IRX4: variants seen among roughly 807,000 people sequenced by gnomAD.
IRX4 encodes iroquois-class homeodomain protein IRX-4.
A neutral mutation model predicts 32.0 loss-of-function variants in IRX4; 22 were observed. That is an observed-to-expected ratio of 0.69 (90% CI 0.49 to 0.98). The LOEUF (loss-of-function observed/expected upper bound fraction) is 0.98, where lower values mean the gene tolerates loss of function less well. IRX4 is among the 50% of genes least tolerant of loss of function. IRX4 has a pLI of 0.00. For missense variants in IRX4, 840 were observed against 744.2 expected (o/e 1.13, Z -1.50); for synonymous variants, 379 against 351.7 (o/e 1.08, Z -0.87).
rs757479890 is a variant in IRX4, at chr5:1,878,788, G to A, written c.741C>T (p.Pro247=). 2.5e-6 allele frequency: 4 copies of A among 1,613,152 alleles called. No homozygotes were observed. The highest frequency in any genetic ancestry group is 2.2e-5 in the East Asian group (1 of 44,870). Residue 247 remains proline, a synonymous_variant, in exon 5 of 5, where the codon CCC becomes CCT. Coordinates refer to ENST00000231357, the MANE Select transcript of IRX4 (RefSeq NM_016358.3). ...EPLKSSKNAE[P]VGKEEKELEL... ...CCAGCTCCTTCTCCTCTTTGCCCAC[G>A]GGCTCTGCGGGAGAGAATGCGTGGC...
intron 2 of IRX4, chr5:1,881,080 G>A: frequency 2.4e-6 from 1 of 418,328 alleles, no homozygotes; most frequent in South Asian, 2.3e-5. Context: ...CGGGGGGGAG[G>A]AGGTGCAGTG....
rs144026313 is a variant in IRX4 at position 1,879,747 on chromosome 5, G to A, written c.493C>T (p.Arg165Cys). The change falls in exon 4 of 5, where the codon CGC (arginine) becomes TGC (cysteine). Residue 165 changes from arginine to cysteine, a missense_variant. Arg to Cys is a radical substitution (Grantham distance 180). This residue lies in a region of IRX4 where 14 missense variants were observed against 35.4 expected (regional missense o/e 0.40). Coordinates refer to ENST00000231357, the MANE Select transcript of IRX4 (RefSeq NM_016358.3). The part of the protein sequence containing the change: ...STLKAWLQEH[R>C]KNPYPTKGEK... ...CCCTTGGTGGGGTAGGGGTTCTTGC[G>A]GTGCTCCTGCAGCCAGGCCTTGAGC... The A allele has an allele frequency of 4.9e-4, 791 of 1,614,116 alleles. No individual in the cohort carries two copies. The highest frequency in any genetic ancestry group is 6.3e-4 in the Non-Finnish European group (744 of 1,180,052).
rs1419910671 is a variant in IRX4, at chr5:1,878,261, G to A, written c.1268C>T (p.Ala423Val). Residue 423 changes from alanine (A) to valine (V), a missense_variant, in exon 5 of 5, where the codon GCC (alanine) becomes GTC (valine). By Grantham distance (64) the Ala-to-Val change is moderately conservative (BLOSUM62 0). Around this residue, in one of 3 missense-constraint regions of IRX4, gnomAD observed 585 missense variants for 488.0 expected, o/e 1.20. Coordinates refer to ENST00000231357, the MANE Select transcript of IRX4 (RefSeq NM_016358.3). ...CGGGGAGTCCTGGTGCCTGTCCAGG[G>A]CGCCAGAGTGGGGAAGGGCCACAGA... ...SPSVALPHSG[A>V]LDRHQDSPVT... 1.2e-6 allele frequency: 2 copies of A among 1,602,790 alleles called. No individual in the cohort carries two copies. Among genetic ancestry groups the A allele is most frequent in the African/African-American group, 2.7e-5 (2 of 74,890 alleles).
rs1179604727 is a variant in IRX4, at chr5:1,877,621, C to T, written c.*348G>A. 1.0e-5 allele frequency: 3 copies of T among 300,520 alleles called. No individual in the cohort carries two copies. Among genetic ancestry groups the T allele is most frequent in the Non-Finnish European group, 1.8e-5 (3 of 163,806 alleles). 18.6% of individuals were successfully genotyped at this position (300,520 alleles called of 1,614,324 possible). Reference sequence around the variant, plus strand: ...CCCGACAGGCCCAGGAGGCCTCACGCCCAGGGGACAGCAGACCACGCTTCA... The same window carrying T: ...CCCGACAGGCCCAGGAGGCCTCACGTCCAGGGGACAGCAGACCACGCTTCA... On this transcript the variant is annotated 3_prime_UTR_variant, in exon 5 of 5. Transcript: ENST00000231357.
chr5:1,877,725 G>A lies in IRX4; in HGVS notation c.*244C>T. On this transcript the variant is annotated 3_prime_UTR_variant, in exon 5 of 5. Transcript: ENST00000231357. ...GTATCTGGCCTCTTCTGCTCCGAGA[G>A]CCTCTCCTTCCGCGTCCCAAATTTG... is the stretch of plus-strand genomic sequence containing the variant. 1.9e-6 allele frequency: 1 copy of A among 523,250 alleles called. No individual in the cohort carries two copies. The highest frequency in any genetic ancestry group is 3.3e-6 in the Non-Finnish European group (1 of 300,438). The allele number at this position is 523,250 out of a possible 1,614,324, so 32.4% of individuals were successfully genotyped here. A position where few individuals can be genotyped will look rare whatever the true frequency, so the allele number is the denominator to read the frequency against.
chr5:1,878,559 G>T lies in IRX4; in HGVS notation c.970C>A (p.Arg324=). 6.5e-7 allele frequency: 1 copy of T among 1,540,658 alleles called. No homozygotes were observed. The highest frequency in any genetic ancestry group is 8.7e-7 in the Non-Finnish European group (1 of 1,144,772). ...GCCGCCGCGCTGCGGAGACAGCTCC[G>T]GGCCCTCTCCAGGTCCTCGTCCAGA... ...AALDEDLERA[R]SCLRSAAAGP... is the part of the protein sequence containing the mutation. Residue 324 remains arginine (R), a synonymous_variant, in exon 5 of 5, where the codon CGG becomes AGG. Coordinates refer to ENST00000231357, the MANE Select transcript of IRX4 (RefSeq NM_016358.3).
chr5:1,879,868 C>G (rs1735368230), intron 3 of IRX4, 36 bp from the exon 4 acceptor site: 2 of 1,609,728 alleles, frequency 1.2e-6, no homozygotes, highest in Non-Finnish European at 8.5e-7. Flanking sequence ...CAGGCTGGGC[C>G]CTCTGGGCCC....
At chr5:1,882,505 G>T (rs979092532) in intron 1 of IRX4, 98 bp downstream of exon 1, 29 of 1,061,546 alleles carry the variant, frequency 2.7e-5, no homozygotes, top group Middle Eastern at 3.0e-4. Context: ...CTCGGAAGCC[G>T]CAGGCAGTCG....
chr5:1,879,780 T>C lies in IRX4; in HGVS notation c.460A>G (p.Thr154Ala). The C allele has an allele frequency of 6.2e-7, 1 of 1,614,128 alleles. No homozygotes were observed. The highest frequency in any genetic ancestry group is 8.5e-7 in the Non-Finnish European group (1 of 1,180,024). Residue 154 changes from threonine to alanine, a missense_variant, in exon 4 of 5, where the codon ACC becomes GCC. Transcript: ENST00000231357. ...TGCAGCCAGGCCTTGAGCGTGCTGGTGGTCTCGCGCGTGGCGTTCTTGCGC... is the reference window on the plus strand; with the variant it reads ...TGCAGCCAGGCCTTGAGCGTGCTGGCGGTCTCGCGCGTGGCGTTCTTGCGC... ...TRRKNATRET[T>A]STLKAWLQEH...
chr5:1,878,649 C>T lies in IRX4; in HGVS notation c.880G>A (p.Asp294Asn), dbSNP rs957263605. 6.9e-6 allele frequency: 11 copies of T among 1,594,160 alleles called. No individual in the cohort carries two copies. Among genetic ancestry groups the T allele is most frequent in the Non-Finnish European group, 8.5e-6 (10 of 1,171,406 alleles). ...CCTGAGGCCTCCTTGACCGGGCCGT[C>T]GGGCGCGGCGGGGACGCGCTCCAGA... ...GGLERVPAAP[D>N]GPVKEASGAL... The change falls in exon 5 of 5, where the codon GAC (aspartate) becomes AAC (asparagine). Residue 294 changes from aspartate to asparagine, a missense_variant. Coordinates refer to ENST00000231357, the MANE Select transcript of IRX4 (RefSeq NM_016358.3).
In IRX4 at chr5:1,881,959, C is replaced by A. The variant is rs1200023998; in HGVS notation, c.146G>T (p.Cys49Phe). 10 of 1,561,272 alleles carry A rather than the reference C, an allele frequency of 6.4e-6. No homozygotes were observed. Among genetic ancestry groups the A allele is most frequent in the Non-Finnish European group, 8.7e-6 (10 of 1,153,468 alleles). ...CAGCAGCCGGCTCTCGTAGACCGGGCAGTAGACCGGCGCCTGGGCCGAGGC... is the reference window on the plus strand; with the variant it reads ...CAGCAGCCGGCTCTCGTAGACCGGGAAGTAGACCGGCGCCTGGGCCGAGGC... ...PAASAQAPVY[C>F]PVYESRLLAT... Residue 49 changes from cysteine to phenylalanine, a missense_variant, in exon 2 of 5, where the codon TGC becomes TTC. Cys to Phe is a radical substitution (Grantham distance 205). Coordinates refer to ENST00000231357, the MANE Select transcript of IRX4 (RefSeq NM_016358.3).
Position 1,878,501 on chromosome 5 carries a change from C to G in IRX4, c.1028G>C (p.Gly343Ala). 7.0e-7 allele frequency: 1 copy of G among 1,436,340 alleles called. No individual in the cohort carries two copies. The highest frequency in any genetic ancestry group is 9.1e-7 in the Non-Finnish European group (1 of 1,103,132). The allele number at this position is 1,436,340 out of a possible 1,614,324, so 89.0% of individuals were successfully genotyped here. The change falls in exon 5 of 5, where the codon GGC becomes GCC. Residue 343 changes from glycine (G) to alanine (A), a missense_variant. Physicochemically the swap from Gly to Ala is moderately conservative, Grantham distance 60. Coordinates refer to ENST00000231357, the MANE Select transcript of IRX4 (RefSeq NM_016358.3). ...GPEPLPGAEG[G>A]PQVCEAKLGF... ...CAGCTTGGCCTCGCAGACCTGAGGG[C>G]CGCCCTCTGCGCCCGGCAGTGGCTC...
chr5:1,877,706 G>T lies in IRX4; in HGVS notation c.*263C>A. 1 of 500,290 alleles carries T rather than the reference G, an allele frequency of 2.0e-6. No individual in the cohort carries two copies. The highest frequency in any genetic ancestry group is 3.5e-6 in the Non-Finnish European group (1 of 287,156). 31.0% of individuals were successfully genotyped at this position (500,290 alleles called of 1,614,324 possible). On this transcript the variant is annotated 3_prime_UTR_variant, in exon 5 of 5. Transcript: ENST00000231357. ...GTAAACTTTATGCTTCAGGGTATCT[G>T]GCCTCTTCTGCTCCGAGAGCCTCTC... is the stretch of plus-strand genomic sequence containing the variant.
Position 1,880,808 on chromosome 5 carries a change from C to T in IRX4, c.324G>A (p.Ser108=), listed in dbSNP as rs138268066. Residue 108 remains serine (S), a synonymous_variant, in exon 3 of 5, where the codon TCG becomes TCA. Coordinates refer to ENST00000231357, the MANE Select transcript of IRX4 (RefSeq NM_016358.3). ...GTGCCAGGCCCCCATGCGCAGATCC[C>T]GAACCATCCTTGGAATCAAAGCTGT... is the stretch of plus-strand genomic sequence containing the variant. ...SLNSFDSKDG[S]GSAHGGLAPA... 3.1e-5 allele frequency: 50 copies of T among 1,613,704 alleles called. No homozygotes were observed. In the African/African-American group the frequency reaches 5.3e-4, roughly 17 times the overall value.
chr5:1,880,568 C>T (rs1208177835), intron 3 of IRX4, among the ~76,000 whole-genome samples, 157 bp downstream of exon 3: 1 of 152,190 alleles, frequency 6.6e-6, no homozygotes, highest in African/African-American at 2.4e-5. Flanking sequence ...GAGGCTGGAC[C>T]CCACAGACCA....
chr5:1,885,830 C>A (rs1353623192), upstream of IRX4, among the ~76,000 whole-genome samples: 1 of 152,286 alleles, frequency 6.6e-6, no homozygotes, highest in Non-Finnish European at 1.5e-5. Flanking sequence ...GTGTCCCTTT[C>A]ACCAACGATA....
intron 4 of IRX4, among the ~76,000 whole-genome samples, chr5:1,879,083 C>CT (rs1735329685): frequency 6.6e-6 from 1 of 151,950 alleles, no homozygotes; most frequent in Non-Finnish European, 1.5e-5. Context: ...ACTCCGCCTC[C>CT]AGGGTTCAGG....
chr5:1,882,162 C>G lies in IRX4; in HGVS notation c.46-103G>C. 11 of 1,366,632 alleles carry G rather than the reference C, an allele frequency of 8.0e-6. No homozygotes were observed. In the South Asian group the frequency reaches 1.6e-4, roughly 20 times the overall value. 84.7% of individuals were successfully genotyped at this position (1,366,632 alleles called of 1,614,324 possible). Reference sequence around the variant, plus strand: ...CGCCCACGAGGGCGTGCCCCGAGTACCCCCGGGCCTCCCGCCGTCCACACC... The same window carrying G: ...CGCCCACGAGGGCGTGCCCCGAGTAGCCCCGGGCCTCCCGCCGTCCACACC... On this transcript the variant is annotated intron_variant, in intron 1 of 4. Coordinates refer to ENST00000231357, the MANE Select transcript of IRX4 (RefSeq NM_016358.3).
chr5:1,885,465 TC>T (rs1224427732), upstream of IRX4, among the ~76,000 whole-genome samples: 2 of 152,078 alleles, frequency 1.3e-5, no homozygotes, highest in African/African-American at 4.8e-5. Context: ...GGCCTCTGAA[TC>T]GGCTTTCCCA....
Sources: allele counts gnomAD v4.1 joint callset (sites outside exome capture counted in the v4.1 genomes callset), GRCh38; gene constraint gnomAD v4.1.1; regional missense constraint gnomAD v4.1.1; transcripts MANE v1.5; gene names NCBI Gene and HGNC (gene_info 2026-07-23, HGNC 2026-07-21).